Variants in LTBP1 observed in about 807,000 individuals in gnomAD.
The protein encoded by LTBP1 is latent transforming growth factor beta binding protein 1, also known as latent-transforming growth factor beta-binding protein 1.
A neutral mutation model predicts 207.6 loss-of-function variants in LTBP1; 129 were observed. The observed-to-expected ratio is 0.62, with a 90% CI of 0.54 to 0.72. LTBP1 has a LOEUF of 0.72. Among genes scored for constraint, LTBP1 ranks in the 30% least tolerant of loss-of-function variants. The probability of loss-of-function intolerance (pLI) is 0.00; values close to 1 mark genes in which losing one functional copy is unlikely to be tolerated. For missense variants in LTBP1, 2,281 were observed against 2,217.2 expected (o/e 1.03, Z -0.58); for synonymous variants, 963 against 833.7 (o/e 1.16, Z -2.67).
intron 25 of LTBP1, among the ~76,000 whole-genome samples, chr2:33,346,179 A>G (rs2094698510): frequency 6.6e-6 from 1 of 152,258 alleles, no homozygotes; most frequent in Non-Finnish European, 1.5e-5. Context: ...TTTGTTTCAC[A>G]TGAATGATTA....
rs779168923 is a variant in LTBP1, at chr2:32,975,583, G to GTTTTTTTTT, written c.565+26668_565+26676dup. Among the ~76,000 whole-genome samples the GTTTTTTTTT allele has an allele frequency of 2.6e-3, 81 of 31,382 alleles. 19 individuals carry two copies. The highest frequency in any genetic ancestry group is 5.2e-3 in the African/African-American group (38 of 7,280). The allele number at this position is 31,382 out of a possible 152,430, so 20.6% of individuals were successfully genotyped here. A position where few individuals can be genotyped will look rare whatever the true frequency, so the allele number is the denominator to read the frequency against. On this transcript the variant is annotated intron_variant, in intron 2 of 33. Coordinates refer to ENST00000404816, the MANE Select transcript of LTBP1 (RefSeq NM_206943.4). ...TTGTTGGAGGTTTCATTCATTCTTT[G>GTTTTTTTTT]TTTTTTTTTTTTTTTTTTTTTTTTT...
intron 2 of LTBP1, among the ~76,000 whole-genome samples, chr2:32,949,689 C>T (rs1676810969): frequency 6.6e-6 from 1 of 152,178 alleles, no homozygotes; most frequent in Admixed American, 6.5e-5. Flanking sequence ...CTTACCTTCC[C>T]CCTCAGAAAA....
At chr2:32,963,315 G>A (rs899980226) in intron 2 of LTBP1, among the ~76,000 whole-genome samples, 1 of 151,914 alleles carries the variant, frequency 6.6e-6, no homozygotes, top group Non-Finnish European at 1.5e-5. Flanking sequence ...AGTGATCCTC[G>A]TGCCTCAGCC....
intron 33 of LTBP1, 133 bp downstream of exon 33, chr2:33,397,415 T>A: frequency 1.2e-6 from 1 of 846,794 alleles, no homozygotes; most frequent in Non-Finnish European, 1.9e-6. Flanking sequence ...AGATGTACAT[T>A]AAGTACAGTA....
chr2:33,045,657 A>G (rs1001035631), intron 3 of LTBP1, among the ~76,000 whole-genome samples: 2 of 152,140 alleles, frequency 1.3e-5, no homozygotes, highest in Non-Finnish European at 2.9e-5. Flanking sequence ...AAGAAAGTCA[A>G]TGGTAGCTTG....
chr2:32,956,620 C>T (rs916933078), intron 2 of LTBP1, among the ~76,000 whole-genome samples: 93 of 152,194 alleles, frequency 6.1e-4, no homozygotes, highest in African/African-American at 2.1e-3. Flanking sequence ...TCCATGAGGG[C>T]TGGAATCAGC....
At chr2:32,961,849 G>C (rs1238161750) in intron 2 of LTBP1, among the ~76,000 whole-genome samples, 2 of 151,976 alleles carry the variant, frequency 1.3e-5, no homozygotes, top group Non-Finnish European at 2.9e-5. Context: ...GGGAGGTTGA[G>C]GCAGGGGAAT....
chr2:32,992,420 A>G (rs1684558212), intron 2 of LTBP1, among the ~76,000 whole-genome samples: 1 of 152,228 alleles, frequency 6.6e-6, no homozygotes, highest in Non-Finnish European at 1.5e-5. Flanking sequence ...ACAAAAGCCC[A>G]GGGATGGGAA....
At chr2:33,217,527 CATA>C (rs1335198962) in intron 7 of LTBP1, 22 bp from the exon 8 acceptor site, 1 of 1,564,736 alleles carries the variant, frequency 6.4e-7, no homozygotes, top group South Asian at 1.1e-5. Context: ...AATTAACCTT[CATA>C]TTTCACACCT....
intron 3 of LTBP1, among the ~76,000 whole-genome samples, chr2:33,067,292 A>G (rs1433456988): frequency 6.6e-6 from 1 of 152,266 alleles, no homozygotes; most frequent in Admixed American, 6.5e-5. Flanking sequence ...ATAAAACTAT[A>G]AGGCAAAACA....
At chr2:33,103,331 T>C (rs536936380) in intron 3 of LTBP1, among the ~76,000 whole-genome samples, 1 of 152,276 alleles carries the variant, frequency 6.6e-6, no homozygotes, top group Non-Finnish European at 1.5e-5. Context: ...TTATGCCGTA[T>C]GCATTGTCTG....
At chr2:32,994,102 TA>T (rs1349495474) in intron 2 of LTBP1, among the ~76,000 whole-genome samples, 2 of 152,086 alleles carry the variant, frequency 1.3e-5, no homozygotes, top group Non-Finnish European at 2.9e-5. Flanking sequence ...CGTCATTTAT[TA>T]GCAGATCTTT....
At chr2:33,197,868 C>T (rs78807913) in intron 7 of LTBP1, among the ~76,000 whole-genome samples, 18 of 152,074 alleles carry the variant, frequency 1.2e-4, no homozygotes, top group Admixed American at 2.6e-4. Context: ...CAGACAGAAG[C>T]GTTATAAGGG....
At chr2:33,198,424 G>A (rs1243849411) in intron 7 of LTBP1, among the ~76,000 whole-genome samples, 3 of 152,150 alleles carry the variant, frequency 2.0e-5, no homozygotes, top group Non-Finnish European at 1.5e-5. Flanking sequence ...AAATGAGTTA[G>A]GGAGGATTCC....
chr2:33,078,347 T>C (rs2078195539), intron 3 of LTBP1, among the ~76,000 whole-genome samples: 1 of 152,186 alleles, frequency 6.6e-6, no homozygotes, highest in African/African-American at 2.4e-5. Flanking sequence ...GGTATCCAGT[T>C]AGCACAGGCC....
intron 19 of LTBP1, among the ~76,000 whole-genome samples, chr2:33,283,208 G>A (rs1274536015): frequency 2.6e-5 from 4 of 152,024 alleles, no homozygotes; most frequent in African/African-American, 7.2e-5. Flanking sequence ...GATGCATGAC[G>A]TGAAGAAAAG....
chr2:33,307,725 C>T (rs144720884), intron 22 of LTBP1, among the ~76,000 whole-genome samples: 194 of 152,222 alleles, frequency 1.3e-3, no homozygotes, highest in African/African-American at 4.4e-3. Context: ...TGAGAACCTG[C>T]CTTAGTTGAG....
chr2:33,025,826 G>A (rs903124269), intron 3 of LTBP1, among the ~76,000 whole-genome samples: 1 of 152,132 alleles, frequency 6.6e-6, no homozygotes, highest in Admixed American at 6.5e-5. Flanking sequence ...TGGGTACATA[G>A]GGGTTTCTTA....
At position 33,278,560 on chromosome 2, in the gene LTBP1, A is replaced by T. The variant is rs17012736; in HGVS notation, c.2993-1479A>T. Among the ~76,000 whole-genome samples the T allele has an allele frequency of 6.8e-3, 1,029 of 152,316 alleles. 8 individuals are homozygous for T. The highest frequency in any genetic ancestry group is 0.022 in the African/African-American group (914 of 41,572). ...CCTTACTTTATTCTGTTAAGGTATT[A>T]TAAGGCAGGTAGTTCCTAATTTATA... is the stretch of plus-strand genomic sequence containing the variant. On this transcript the variant is annotated intron_variant, in intron 18 of 33. Transcript: ENST00000404816.
Sources: allele counts gnomAD v4.1 joint callset (sites outside exome capture counted in the v4.1 genomes callset), GRCh38; gene constraint gnomAD v4.1.1; transcripts MANE v1.5; gene names NCBI Gene and HGNC (gene_info 2026-07-23, HGNC 2026-07-21).